SHE: variants seen among roughly 807,000 people sequenced by gnomAD.
SHE encodes Src homology 2 domain containing E, also known as SH2 domain-containing adapter protein E.
Under a neutral mutation model 49.8 loss-of-function variants are expected in SHE, and 11 were observed. The ratio of observed to expected loss-of-function variants is 0.22; its 90% CI spans 0.14 to 0.37. The LOEUF (loss-of-function observed/expected upper bound fraction) is 0.37, where lower values mean the gene tolerates loss of function less well. SHE is among the 10% of genes least tolerant of loss of function. The pLI is 1.00. For missense variants in SHE, 624 were observed against 655.5 expected, an observed-to-expected ratio of 0.95 and a Z score of 0.52; for synonymous variants, 310 against 278.1, an observed-to-expected ratio of 1.11 and a Z score of -1.14.
Position 154,481,639 on chromosome 1 carries a change from G to C in SHE, c.*2510C>G, listed in dbSNP as rs1042715118. ...TTAGAATAACTGCTGTATTCCCTTTGTAGAATAAGGTTAAGTAAAAACGTT... is the reference window on the plus strand; with the variant it reads ...TTAGAATAACTGCTGTATTCCCTTTCTAGAATAAGGTTAAGTAAAAACGTT... On this transcript the variant is annotated 3_prime_UTR_variant, in exon 6 of 6. Coordinates refer to ENST00000304760, the MANE Select transcript of SHE (RefSeq NM_001010846.3). 13 of 982,994 alleles carry C rather than the reference G, an allele frequency of 1.3e-5. No individual in the cohort carries two copies. The highest frequency in any genetic ancestry group is 6.2e-5 in the Admixed American group (1 of 16,252). 60.9% of individuals were successfully genotyped at this position (982,994 alleles called of 1,614,324 possible). A position where few individuals can be genotyped will look rare whatever the true frequency, so the allele number is the denominator to read the frequency against.
chr1:154,496,142 G>C (rs184574446), intron 2 of SHE, among the ~76,000 whole-genome samples: 1 of 152,144 alleles, frequency 6.6e-6, no homozygotes, highest in African/African-American at 2.4e-5. Flanking sequence ...TGTAACCTAC[G>C]GGTAGAATAA....
At chr1:154,493,818 G>A (rs1007533746) in intron 2 of SHE, among the ~76,000 whole-genome samples, 11 of 152,152 alleles carry the variant, frequency 7.2e-5, no homozygotes, top group Admixed American at 2.0e-4. Context: ...TCTAACTCAC[G>A]GCTGTACTGA....
rs1387669378 is a variant in SHE, at chr1:154,485,955, G to C, written c.1289C>G (p.Ser430Cys). 3 of 1,613,992 alleles carry C rather than the reference G, an allele frequency of 1.9e-6. No individual in the cohort carries two copies. Residue 430 changes from serine (S) to cysteine (C), a missense_variant, in exon 5 of 6, where the codon TCC (serine) becomes TGC (cysteine). Around this residue, in one of 4 missense-constraint regions of SHE, gnomAD observed 125 missense variants for 181.7 expected, o/e 0.69. Transcript: ENST00000304760. ...GGGGCTTACTTACTTTAGGGCAATG[G>C]AGTACCTGCTGTTCCCTGACTCACT... ...RNSESGNSRY[S>C]IALKTSQGCV...
intron 2 of SHE, among the ~76,000 whole-genome samples, chr1:154,498,283 A>G (rs1236415541): frequency 1.3e-5 from 2 of 150,184 alleles, no homozygotes; most frequent in African/African-American, 4.9e-5. Flanking sequence ...TTTAGTAGAG[A>G]CAGGGTTTCT....
Position 154,489,236 on chromosome 1 carries a change from T to C in SHE, c.839A>G (p.Lys280Arg), listed in dbSNP as rs746912865. The change falls in exon 3 of 6, where the codon AAG (lysine) becomes AGG (arginine). Residue 280 changes from lysine to arginine, a missense_variant. Coordinates refer to ENST00000304760, the MANE Select transcript of SHE (RefSeq NM_001010846.3). ...CTGTGGCGGCTTCCCCAGGAGGTCCTTGGAACTCCGTCTTTTGGCCAAGGT... is the reference window on the plus strand; with the variant it reads ...CTGTGGCGGCTTCCCCAGGAGGTCCCTGGAACTCCGTCTTTTGGCCAAGGT... ...SETLAKRRSS[K>R]DLLGKPPQLY... 31 of 1,614,082 alleles carry C rather than the reference T, an allele frequency of 1.9e-5. No individual in the cohort carries two copies. Among genetic ancestry groups the C allele is most frequent in the African/African-American group, 8.0e-5 (6 of 74,918 alleles).
intron 2 of SHE, among the ~76,000 whole-genome samples, chr1:154,491,748 G>A (rs761203253): frequency 1.3e-5 from 2 of 152,234 alleles, no homozygotes; most frequent in Admixed American, 6.5e-5. Flanking sequence ...GCAGGTGACA[G>A]TGTGGATCTG....
chr1:154,478,308 C>G (rs149031465), downstream of SHE, among the ~76,000 whole-genome samples: 2 of 151,968 alleles, frequency 1.3e-5, no homozygotes, highest in South Asian at 4.1e-4. Context: ...CACAAGGCCA[C>G]TGTGGAGCGA....
intron 4 of SHE, 28 bp downstream of exon 4, chr1:154,486,499 G>A (rs200447499): frequency 1.2e-6 from 2 of 1,611,786 alleles, no homozygotes; most frequent in Non-Finnish European, 1.7e-6. Context: ...GCTGTTGTCT[G>A]TTACAAGGAT....
At position 154,479,952 on chromosome 1, in the gene SHE, A is replaced by G; in HGVS notation, c.*4197T>C. Reference sequence around the variant, plus strand: ...GGACTGTATCAGAAATCCTTCAGAAAGCCCTACCCTTAAATGCACAGCTGC... The same window carrying G: ...GGACTGTATCAGAAATCCTTCAGAAGGCCCTACCCTTAAATGCACAGCTGC... On this transcript the variant is annotated 3_prime_UTR_variant, in exon 6 of 6. Transcript: ENST00000304760. The G allele has an allele frequency of 1.0e-6, 1 of 985,416 alleles. No homozygotes were observed. Among genetic ancestry groups the G allele is most frequent in the Non-Finnish European group, 1.2e-6 (1 of 829,938 alleles). The allele number at this position is 985,416 out of a possible 1,614,324, so 61.0% of individuals were successfully genotyped here.
downstream of SHE, among the ~76,000 whole-genome samples, chr1:154,475,691 G>A (rs1691862793): frequency 6.6e-6 from 1 of 152,196 alleles, no homozygotes; most frequent in African/African-American, 2.4e-5. Flanking sequence ...AAATGTACAA[G>A]AAGTAGGTGG....
chr1:154,480,256 G>A lies in SHE; in HGVS notation c.*3893C>T, dbSNP rs1691985013. On this transcript the variant is annotated 3_prime_UTR_variant, in exon 6 of 6. Coordinates refer to ENST00000304760, the MANE Select transcript of SHE (RefSeq NM_001010846.3). ...AAGGGTTTCAGTGCAATCCTGCTGAGTGTCAAGGGGTGCGGGGAAGGGAAA... is the reference window on the plus strand; with the variant it reads ...AAGGGTTTCAGTGCAATCCTGCTGAATGTCAAGGGGTGCGGGGAAGGGAAA... 2 of 985,342 alleles carry A rather than the reference G, an allele frequency of 2.0e-6. No homozygotes were observed. The highest frequency in any genetic ancestry group is 2.4e-6 in the Non-Finnish European group (2 of 829,960). The allele number at this position is 985,342 out of a possible 1,614,324, so 61.0% of individuals were successfully genotyped here. A position where few individuals can be genotyped will look rare whatever the true frequency, so the allele number is the denominator to read the frequency against.
At chr1:154,500,719 A>G (rs1692692137) in intron 1 of SHE, among the ~76,000 whole-genome samples, 1 of 152,122 alleles carries the variant, frequency 6.6e-6, no homozygotes. Flanking sequence ...TCCACATTGG[A>G]CAGCACCCAG....
intron 1 of SHE, among the ~76,000 whole-genome samples, chr1:154,499,771 T>A (rs1036365978): frequency 6.6e-6 from 1 of 152,150 alleles, no homozygotes; most frequent in South Asian, 2.1e-4. Flanking sequence ...ACAGGCTTCA[T>A]AGATGAGAAG....
At position 154,483,686 on chromosome 1, in the gene SHE, GA is replaced by G; in HGVS notation, c.*462del. Reference sequence around the variant, plus strand: ...GACAGGCCACAAACAAAGTGTCATGGAATCACTTTAAGACCAAAGACTTGGC... The same window carrying G: ...GACAGGCCACAAACAAAGTGTCATGGATCACTTTAAGACCAAAGACTTGGC... On this transcript the variant is annotated 3_prime_UTR_variant, in exon 6 of 6. Coordinates refer to ENST00000304760, the MANE Select transcript of SHE (RefSeq NM_001010846.3). The G allele has an allele frequency of 3.0e-6, 3 of 988,470 alleles. No individual in the cohort carries two copies. The highest frequency in any genetic ancestry group is 3.6e-6 in the Non-Finnish European group (3 of 831,906). 61.2% of individuals were successfully genotyped at this position (988,470 alleles called of 1,614,324 possible).
chr1:154,489,155 G>A lies in SHE; in HGVS notation c.920C>T (p.Ala307Val), dbSNP rs767733531. 8 of 1,614,116 alleles carry A rather than the reference G, an allele frequency of 5.0e-6. No homozygotes were observed. Among genetic ancestry groups the A allele is most frequent in the South Asian group, 4.4e-5 (4 of 91,090 alleles). ...AEGGPRAEGK[A>V]RPPDSRLPEN... is the part of the protein sequence containing the mutation. ...GGGCAGCCGGCTGTCTGGGGGCCGC[G>A]CCTTCCCCTCTGCCCTGGGCCCCCC... The change falls in exon 3 of 6, where the codon GCG (alanine) becomes GTG (valine). Residue 307 changes from alanine to valine, a missense_variant. By Grantham distance (64) the Ala-to-Val change is moderately conservative. Around this residue, in one of 4 missense-constraint regions of SHE, gnomAD observed 155 missense variants for 142.0 expected, o/e 1.09. Transcript: ENST00000304760.
Position 154,501,935 on chromosome 1 carries a change from G to C in SHE, c.92C>G (p.Ala31Gly). ...CSTAPTLLGR[A>G]GRGPLMAAKW... ...GGCCGCCATGAGGGGGCCCCGGCCG[G>C]CTCGGCCCAGGAGCGTCGGGGCCGT... Residue 31 changes from alanine (A) to glycine (G), a missense_variant, in exon 1 of 6, where the codon GCC becomes GGC. Ala to Gly is a moderately conservative substitution (Grantham distance 60, BLOSUM62 0). This residue lies in a region of SHE where 337 missense variants were observed against 306.0 expected (regional missense o/e 1.10). Transcript: ENST00000304760. The C allele has an allele frequency of 6.7e-7, 1 of 1,485,912 alleles. No individual in the cohort carries two copies. Among genetic ancestry groups the C allele is most frequent in the Non-Finnish European group, 8.9e-7 (1 of 1,127,402 alleles). 92.0% of individuals were successfully genotyped at this position (1,485,912 alleles called of 1,614,324 possible).
At chr1:154,470,241 G>T in exon 2 of SHE, 1 of 1,185,664 alleles carries the variant, frequency 8.4e-7, no homozygotes, top group Non-Finnish European at 1.1e-6. Context: ...GAGGGGGCAC[G>T]GGAGTGGGCA....
At chr1:154,471,954 C>T (rs1369632509) in intron 1 of SHE, among the ~76,000 whole-genome samples, 16 of 152,150 alleles carry the variant, frequency 1.1e-4, no homozygotes, top group Non-Finnish European at 1.9e-4. Flanking sequence ...GGGTGGATCA[C>T]TTGAGGTCAG....
chr1:154,471,732 A>G (rs1330441088), intron 1 of SHE, among the ~76,000 whole-genome samples: 1 of 151,976 alleles, frequency 6.6e-6, no homozygotes, highest in Non-Finnish European at 1.5e-5. Context: ...CATTCACACT[A>G]TAGGTGTATG....
Sources: gnomAD v4.1 joint callset for allele counts (sites outside exome capture counted in the v4.1 genomes callset) on GRCh38, gnomAD v4.1.1 for gene constraint, gnomAD v4.1.1 regional missense constraint, MANE v1.5 for transcripts, NCBI Gene and HGNC (gene_info 2026-07-23, HGNC 2026-07-21) for gene names.